The following FAM135B variants were observed in gnomAD, a reference collection of about 807,000 sequenced individuals.
FAM135B encodes protein FAM135B.
FAM135B carries 43 observed loss-of-function variants against 127.7 expected under a neutral mutation model. The ratio of observed to expected loss-of-function variants is 0.34; its 90% CI spans 0.26 to 0.43. The LOEUF (loss-of-function observed/expected upper bound fraction) is 0.43, where lower values mean the gene tolerates loss of function less well. Among genes scored for constraint, FAM135B ranks in the 20% least tolerant of loss-of-function variants. The pLI, the probability that FAM135B is intolerant of heterozygous loss-of-function variation, is 1.00. For missense variants in FAM135B, 1,558 were observed against 1,725.6 expected, an observed-to-expected ratio of 0.90 and a Z score of 1.72; for synonymous variants, 670 against 665.1, an observed-to-expected ratio of 1.01 and a Z score of -0.11.
At chr8:138,483,086 GA>G (rs200066982) in intron 1 of FAM135B, among the ~76,000 whole-genome samples, 5,253 of 146,146 alleles carry the variant, frequency 0.036, 216 homozygotes, top group East Asian at 0.13. Context: ...TTTAAAATTT[GA>G]AAAAAAAAAA....
At chr8:138,299,745 C>A (rs950846513) in intron 3 of FAM135B, among the ~76,000 whole-genome samples, 1 of 152,080 alleles carries the variant, frequency 6.6e-6, no homozygotes, top group African/African-American at 2.4e-5. Context: ...TTGTAGGTAG[C>A]TTTTCTTACT....
At chr8:138,480,540 T>C (rs1319679113) in intron 1 of FAM135B, among the ~76,000 whole-genome samples, 1 of 152,150 alleles carries the variant, frequency 6.6e-6, no homozygotes, top group Non-Finnish European at 1.5e-5. Flanking sequence ...ATTTTTTTAA[T>C]CTAAATAAGT....
At chr8:138,443,100 T>C (rs1204784687) in intron 1 of FAM135B, among the ~76,000 whole-genome samples, 1 of 152,142 alleles carries the variant, frequency 6.6e-6, no homozygotes, top group Non-Finnish European at 1.5e-5. Flanking sequence ...CAAGGCTGTG[T>C]GTTTGTGGAG....
At chr8:138,475,238 C>T (rs1458242810) in intron 1 of FAM135B, among the ~76,000 whole-genome samples, 1 of 152,100 alleles carries the variant, frequency 6.6e-6, no homozygotes, top group African/African-American at 2.4e-5. Context: ...CTCCCTGACC[C>T]CTTGCAAGTT....
rs2130903737 is a variant in FAM135B, at chr8:138,168,042, T to C, written c.1111A>G (p.Thr371Ala). The change falls in exon 12 of 20, where the codon ACG becomes GCG. Residue 371 changes from threonine (T) to alanine (A), a missense_variant. Physicochemically the swap from Thr to Ala is moderately conservative, Grantham distance 58. Coordinates refer to ENST00000395297, the MANE Select transcript of FAM135B (RefSeq NM_015912.4). ...ATATCCAGGGACAGCTGGCTGTGCGTCTGTATCCTGGGGAGCACATGGCAG... is the reference window on the plus strand; with the variant it reads ...ATATCCAGGGACAGCTGGCTGTGCGCCTGTATCCTGGGGAGCACATGGCAG... ...VLTFQENLIQTHSQLSLDIRN... is the reference protein window; with the variant it reads ...VLTFQENLIQAHSQLSLDIRN... 1 of 1,612,990 alleles carries C rather than the reference T, an allele frequency of 6.2e-7. No individual in the cohort carries two copies. Among genetic ancestry groups the C allele is most frequent in the Non-Finnish European group, 8.5e-7 (1 of 1,179,446 alleles).
chr8:138,374,578 G>C (rs1022800015), intron 1 of FAM135B, among the ~76,000 whole-genome samples: 2 of 152,158 alleles, frequency 1.3e-5, no homozygotes, highest in Admixed American at 6.5e-5. Flanking sequence ...GGAATAAATG[G>C]TAACACCAGA....
At chr8:138,142,701 A>C (rs1817309227) in intron 16 of FAM135B, among the ~76,000 whole-genome samples, 1 of 152,180 alleles carries the variant, frequency 6.6e-6, no homozygotes, top group Non-Finnish European at 1.5e-5. Context: ...TATCTGGTAC[A>C]TGGCAAGAAA....
chr8:138,327,965 A>G (rs921842764), intron 2 of FAM135B, among the ~76,000 whole-genome samples: 5 of 152,166 alleles, frequency 3.3e-5, no homozygotes, highest in Admixed American at 1.3e-4. Context: ...CAAAGCCAAT[A>G]AAAACAGCAA....
At chr8:138,182,633 G>GT (rs1385091001) in intron 9 of FAM135B, among the ~76,000 whole-genome samples, 1 of 152,208 alleles carries the variant, frequency 6.6e-6, no homozygotes, top group Non-Finnish European at 1.5e-5. Flanking sequence ...TAATATACTT[G>GT]TAAACTACTG....
chr8:138,433,088 C>A (rs1835282550), intron 1 of FAM135B, among the ~76,000 whole-genome samples: 2 of 151,884 alleles, frequency 1.3e-5, no homozygotes, highest in Admixed American at 6.6e-5. Context: ...TGTGGAAGGC[C>A]TAGAAAGTCA....
At chr8:138,489,413 C>T (rs1815117926) in intron 1 of FAM135B, among the ~76,000 whole-genome samples, 2 of 152,158 alleles carry the variant, frequency 1.3e-5, no homozygotes, top group South Asian at 4.1e-4. Context: ...TCTCTATTAC[C>T]TTAACCTAGG....
chr8:138,414,921 C>T (rs1468028814), intron 1 of FAM135B, among the ~76,000 whole-genome samples: 1 of 152,068 alleles, frequency 6.6e-6, no homozygotes, highest in Non-Finnish European at 1.5e-5. Flanking sequence ...ACAGCAGGTC[C>T]CTGAGTTCTC....
Position 138,309,085 on chromosome 8 carries a change from T to C in FAM135B, c.157+1756A>G, listed in dbSNP as rs77975060. On this transcript the variant is annotated intron_variant, in intron 3 of 19. Transcript: ENST00000395297. The stretch of plus-strand genomic sequence containing the variant: ...TTATAATTTCTAAGACAAATATCTA[T>C]GAAGAATGCATTTTTATCCTCATAT... The C allele has an allele frequency of 7.5e-3, 3,185 of 425,546 alleles. 74 individuals are homozygous for C. Among genetic ancestry groups the C allele is most frequent in the African/African-American group, 0.054 (2,622 of 48,310 alleles). The allele number at this position is 425,546 out of a possible 1,614,324, so 26.4% of individuals were successfully genotyped here. A position where few individuals can be genotyped will look rare whatever the true frequency, so the allele number is the denominator to read the frequency against.
chr8:138,355,113 T>C (rs1300032762), intron 2 of FAM135B, among the ~76,000 whole-genome samples: 4 of 152,154 alleles, frequency 2.6e-5, no homozygotes, highest in African/African-American at 9.7e-5. Flanking sequence ...ACTTTTACAC[T>C]GTTGGTGGGA....
intron 19 of FAM135B, 59 bp downstream of exon 19, chr8:138,137,088 G>T: frequency 1.1e-6 from 1 of 892,902 alleles, no homozygotes; most frequent in South Asian, 1.3e-5. Flanking sequence ...TCAATTCCAT[G>T]AATTTACTTT....
intron 1 of FAM135B, among the ~76,000 whole-genome samples, chr8:138,379,827 C>T (rs184927704): frequency 1.7e-3 from 264 of 152,266 alleles, no homozygotes; most frequent in African/African-American, 6.1e-3. Context: ...GCAAATACAC[C>T]TTCCCTGAAA....
intron 1 of FAM135B, among the ~76,000 whole-genome samples, chr8:138,401,225 G>C (rs78184113): frequency 0.019 from 2,851 of 152,214 alleles, 79 homozygotes; most frequent in East Asian, 0.081. Flanking sequence ...ACTCTAAGCA[G>C]GACTAGTGCA....
At chr8:138,316,399 C>T (rs577019113) in intron 2 of FAM135B, among the ~76,000 whole-genome samples, 2 of 151,774 alleles carry the variant, frequency 1.3e-5, no homozygotes, top group South Asian at 2.1e-4. Flanking sequence ...GAGGCTGAGG[C>T]GGGAGAATGG....
chr8:138,221,747 C>T (rs751032881), intron 7 of FAM135B, among the ~76,000 whole-genome samples: 12 of 152,122 alleles, frequency 7.9e-5, no homozygotes, highest in Non-Finnish European at 1.0e-4. Context: ...CTGATCCCAC[C>T]GAACAAATCT....
Sources: allele counts gnomAD v4.1 joint callset (sites outside exome capture counted in the v4.1 genomes callset), GRCh38; gene constraint gnomAD v4.1.1; transcripts MANE v1.5; gene names NCBI Gene and HGNC (gene_info 2026-07-23, HGNC 2026-07-21).